APOB: variants seen among roughly 807,000 people sequenced by gnomAD.
APOB encodes apolipoprotein B, also known as apolipoprotein B-100.
Under a neutral mutation model 314.1 loss-of-function variants are expected in APOB, and 153 were observed. That is an observed-to-expected ratio of 0.49 (90% CI 0.43 to 0.56). The LOEUF (loss-of-function observed/expected upper bound fraction) is 0.56, where lower values mean the gene tolerates loss of function less well. Ranked by LOEUF, APOB falls within the 20% of genes least tolerant of loss-of-function variation. The pLI is 0.00. For missense variants in APOB, 5,430 were observed against 5,350.7 expected, an observed-to-expected ratio of 1.01 and a Z score of -0.46; for synonymous variants, 2,087 against 2,036.4, an observed-to-expected ratio of 1.02 and a Z score of -0.67.
chr2:21,005,307 G>T lies in APOB; in HGVS notation c.11561C>A (p.Thr3854Asn). The T allele has an allele frequency of 1.9e-6, 3 of 1,614,060 alleles. No individual in the cohort carries two copies. Among genetic ancestry groups the T allele is most frequent in the Non-Finnish European group, 2.5e-6 (3 of 1,179,954 alleles). Residue 3854 changes from threonine (T) to asparagine (N), a missense_variant, in exon 26 of 29, where the codon ACC becomes AAC. Around this residue, in one of 3 missense-constraint regions of APOB, gnomAD observed 3,281 missense variants for 3,171.0 expected, o/e 1.03. Transcript: ENST00000233242. ...AATGGTCTGCTCAGGCACGATGATG[G>T]TGGGCAACTCAAAGTCTGCGATCTT... The part of the protein sequence containing the change: ...ANKIADFELP[T>N]IIVPEQTIEI...
At chr2:21,015,638 A>T in intron 21 of APOB, 93 bp from the exon 22 acceptor site, 1 of 1,350,560 alleles carries the variant, frequency 7.4e-7, no homozygotes. Flanking sequence ...GGTGATCAAA[A>T]CCAGATACAA....
Position 21,012,201 on chromosome 2 carries a change from T to C in APOB, c.4667A>G (p.Lys1556Arg). Reference sequence around the variant, plus strand: ...CTCATACTTTAGGGAAGCAGTATTTTTAATGATGCCACTTTGCAGATCAGA... The same window carrying C: ...CTCATACTTTAGGGAAGCAGTATTTCTAATGATGCCACTTTGCAGATCAGA... Reference protein sequence around the residue: ...STSDLQSGIIKNTASLKYENY... With the variant: ...STSDLQSGIIRNTASLKYENY... The change falls in exon 26 of 29, where the codon AAA (lysine) becomes AGA (arginine). Residue 1556 changes from lysine (K) to arginine (R), a missense_variant. This residue lies in a region of APOB where 2,085 missense variants were observed against 2,079.7 expected (regional missense o/e 1.00). Transcript: ENST00000233242. The C allele has an allele frequency of 2.5e-6, 4 of 1,603,254 alleles. No individual in the cohort carries two copies. Among genetic ancestry groups the C allele is most frequent in the Non-Finnish European group, 3.4e-6 (4 of 1,173,686 alleles).
Position 21,026,917 on chromosome 2 carries a change from A to G in APOB, c.2115T>C (p.Phe705=), listed in dbSNP as rs747520197. The change falls in exon 15 of 29, where the codon TTT becomes TTC. Residue 705 remains phenylalanine, a synonymous_variant. Coordinates refer to ENST00000233242, the MANE Select transcript of APOB (RefSeq NM_000384.3). ...TGTCTGGGAAAAATCCTTGCTTCCC[A>G]AAAAGAGCTTCCAATGTTGGCTCAA... ...KGFEPTLEAL[F]GKQGFFPDSV... 5 of 1,614,196 alleles carry G rather than the reference A, an allele frequency of 3.1e-6. No individual in the cohort carries two copies. Among genetic ancestry groups the G allele is most frequent in the Non-Finnish European group, 4.2e-6 (5 of 1,180,022 alleles).
At chr2:21,037,028 T>C in intron 6 of APOB, 72 bp downstream of exon 6, 7 of 1,598,648 alleles carry the variant, frequency 4.4e-6, no homozygotes, top group Non-Finnish European at 5.1e-6. Context: ...GCCCACTAGC[T>C]CAAAAGTTCT....
At position 21,001,837 on chromosome 2, in the gene APOB, G is replaced by T; in HGVS notation, c.13585C>A (p.His4529Asn). The T allele has an allele frequency of 6.2e-7, 1 of 1,614,024 alleles. No homozygotes were observed. Among genetic ancestry groups the T allele is most frequent in the Non-Finnish European group, 8.5e-7 (1 of 1,179,946 alleles). ...TCCGTGATGTATATCAGAAATGTGT[G>T]GTAGTTTTGAATGGACAGGTCAATC... is the stretch of plus-strand genomic sequence containing the variant. ...RLIDLSIQNY[H>N]TFLIYITELL... The change falls in exon 29 of 29, where the codon CAC becomes AAC. Residue 4529 changes from histidine (H) to asparagine (N), a missense_variant. Physicochemically the swap from His to Asn is moderately conservative, Grantham distance 68. Around this residue, in one of 3 missense-constraint regions of APOB, gnomAD observed 3,281 missense variants for 3,171.0 expected, o/e 1.03. Transcript: ENST00000233242.
Position 21,002,736 on chromosome 2 carries a change from G to A in APOB, c.12686C>T (p.Ser4229Phe), listed in dbSNP as rs1663023532. The change falls in exon 29 of 29, where the codon TCC becomes TTC. Residue 4229 changes from serine to phenylalanine, a missense_variant. Ser to Phe is a radical substitution (Grantham distance 155). Coordinates refer to ENST00000233242, the MANE Select transcript of APOB (RefSeq NM_000384.3). The stretch of plus-strand genomic sequence containing the variant: ...ATTATGGACTTTCGAATATACCTGG[G>A]ACAGTACCGTCCCTACCTCCCTTAT... The part of the protein sequence containing the change: ...MFIREVGTVL[S>F]QVYSKVHNGS... 1 of 1,612,370 alleles carries A rather than the reference G, an allele frequency of 6.2e-7. No individual in the cohort carries two copies. The highest frequency in any genetic ancestry group is 1.3e-5 in the African/African-American group (1 of 74,842).
In APOB at chr2:21,013,167, A is replaced by G; in HGVS notation, c.4209T>C (p.Asn1403=). ...ADSVVDLLSY[N]VQGSGETTYD... ...TACCTGAGCATAGCTCACCTTGCAC[A>G]TTGTAGGAAAGCAGGTCAACCACAG... The change falls in exon 25 of 29, where the codon AAT becomes AAC. Residue 1403 remains asparagine (N), a synonymous_variant. Coordinates refer to ENST00000233242, the MANE Select transcript of APOB (RefSeq NM_000384.3). 2 of 1,613,870 alleles carry G rather than the reference A, an allele frequency of 1.2e-6. No homozygotes were observed. The highest frequency in any genetic ancestry group is 1.7e-6 in the Non-Finnish European group (2 of 1,179,958).
chr2:21,004,777 C>G (rs1663084093), intron 26 of APOB, 102 bp from the exon 27 acceptor site: 2 of 941,974 alleles, frequency 2.1e-6, no homozygotes, highest in African/African-American at 1.6e-5. Context: ...AGATATTTCA[C>G]TTGTGTTTAA....
chr2:21,036,984 T>A, intron 6 of APOB, 116 bp downstream of exon 6: 1 of 1,350,928 alleles, frequency 7.4e-7, no homozygotes. Context: ...CTAGTCTGTA[T>A]AAAAAACAGC....
intron 16 of APOB, 33 bp from the exon 17 acceptor site, chr2:21,023,725 T>C (rs1279623711): frequency 1.9e-6 from 3 of 1,557,818 alleles, no homozygotes; most frequent in Non-Finnish European, 2.6e-6. Flanking sequence ...CAAATAAAAG[T>C]AAGTCTTTTT....
chr2:21,007,363 A>C lies in APOB; in HGVS notation c.9505T>G (p.Phe3169Val). The C allele has an allele frequency of 6.2e-7, 1 of 1,614,062 alleles. No individual in the cohort carries two copies. Among genetic ancestry groups the C allele is most frequent in the East Asian group, 2.2e-5 (1 of 44,876 alleles). The change falls in exon 26 of 29, where the codon TTT (phenylalanine) becomes GTT (valine). Residue 3169 changes from phenylalanine to valine, a missense_variant. Phe to Val is a conservative substitution (Grantham distance 50). Coordinates refer to ENST00000233242, the MANE Select transcript of APOB (RefSeq NM_000384.3). ...KEFLKTTKQS[F>V]DLSVKAQYKK... is the part of the protein sequence containing the mutation. The stretch of plus-strand genomic sequence containing the variant: ...TACTGAGCTTTTACACTTAAATCAA[A>C]TGATTGCTTTGTCGTTTTCAAGAAT...
Position 21,008,664 on chromosome 2 carries a change from T to A in APOB, c.8204A>T (p.Asp2735Val), listed in dbSNP as rs1663219420. The A allele has an allele frequency of 6.2e-7, 1 of 1,613,954 alleles. No homozygotes were observed. The highest frequency in any genetic ancestry group is 1.3e-5 in the African/African-American group (1 of 74,888). Residue 2735 changes from aspartate to valine, a missense_variant, in exon 26 of 29, where the codon GAC becomes GTC. Coordinates refer to ENST00000233242, the MANE Select transcript of APOB (RefSeq NM_000384.3). ...AAGCTGGAATTCTGGTATGTGAAGG[T>A]CAGGAACTTGAAAATCATTAAGGTT... ...TLNLNDFQVP[D>V]LHIPEFQLPH...
In APOB at chr2:21,010,645, C is replaced by T. The variant is rs377429190; in HGVS notation, c.6223G>A (p.Glu2075Lys). Reference protein sequence around the residue: ...DVHSINLPFFETLQEYFERNR... With the variant: ...DVHSINLPFFKTLQEYFERNR... ...CTCTCAAAATATTCTTGCAAGGTCT[C>T]AAAAAATGGGAGGTTAATGGAGTGA... The change falls in exon 26 of 29, where the codon GAG (glutamate) becomes AAG (lysine). Residue 2075 changes from glutamate to lysine, a missense_variant. Coordinates refer to ENST00000233242, the MANE Select transcript of APOB (RefSeq NM_000384.3). 206 of 1,613,728 alleles carry T rather than the reference C, an allele frequency of 1.3e-4. No individual in the cohort carries two copies. Among genetic ancestry groups the T allele is most frequent in the Non-Finnish European group, 1.7e-4 (196 of 1,179,934 alleles).
Position 21,013,167 on chromosome 2 carries a change from A to T in APOB, c.4209T>A (p.Asn1403Lys), listed in dbSNP as rs1663374692. The change falls in exon 25 of 29, where the codon AAT (asparagine) becomes AAA (lysine). Residue 1403 changes from asparagine (N) to lysine (K), a missense_variant. Asn to Lys is a moderately conservative substitution (Grantham distance 94, BLOSUM62 0). This residue lies in a region of APOB where 2,085 missense variants were observed against 2,079.7 expected (regional missense o/e 1.00). Coordinates refer to ENST00000233242, the MANE Select transcript of APOB (RefSeq NM_000384.3). ...ADSVVDLLSY[N>K]VQGSGETTYD... The stretch of plus-strand genomic sequence containing the variant: ...TACCTGAGCATAGCTCACCTTGCAC[A>T]TTGTAGGAAAGCAGGTCAACCACAG... 1.2e-6 allele frequency: 2 copies of T among 1,613,752 alleles called. No homozygotes were observed. Among genetic ancestry groups the T allele is most frequent in the Non-Finnish European group, 1.7e-6 (2 of 1,179,966 alleles).
rs13306197 is a variant in APOB at position 21,037,427 on chromosome 2, A to G, written c.538-172T>C. Among the ~76,000 whole-genome samples the G allele has an allele frequency of 1.5e-3, 229 of 152,288 alleles. 5 individuals are homozygous for G. In the East Asian group the frequency reaches 0.021, roughly 14 times the overall value. On this transcript the variant is annotated intron_variant, in intron 5 of 28. Transcript: ENST00000233242. ...GGTCTTGCTAGTGCCTGGCCAGCCC[A>G]AGTTGGGAGAGAGAAAACCAGTTAA...
At chr2:21,034,526 T>C (rs557708938) in intron 8 of APOB, among the ~76,000 whole-genome samples, 2 of 152,326 alleles carry the variant, frequency 1.3e-5, no homozygotes, top group South Asian at 4.1e-4. Context: ...CAGCTCTGGA[T>C]CTTATCACAG....
chr2:21,032,357 T>A lies in APOB; in HGVS notation c.1349A>T (p.Asn450Ile), dbSNP rs1177893034. ...ATLYALSHAV[N>I]NYHKTNPTGT... ...GAAATACAGTGTGGAAACTCACTTGTTGACCGCGTGGCTCAGCGCATACAA... is the reference window on the plus strand; with the variant it reads ...GAAATACAGTGTGGAAACTCACTTGATGACCGCGTGGCTCAGCGCATACAA... The change falls in exon 10 of 29, where the codon AAC becomes ATC. Residue 450 changes from asparagine to isoleucine, a missense_variant. Asn to Ile is a moderately radical substitution (Grantham distance 149). Transcript: ENST00000233242. 9 of 1,612,728 alleles carry A rather than the reference T, an allele frequency of 5.6e-6. No individual in the cohort carries two copies. The highest frequency in any genetic ancestry group is 6.8e-6 in the Non-Finnish European group (8 of 1,179,926).
chr2:21,032,682 A>C, intron 9 of APOB, 101 bp from the exon 10 acceptor site: 2 of 862,752 alleles, frequency 2.3e-6, no homozygotes, highest in Non-Finnish European at 3.5e-6. Context: ...TAATCACCTC[A>C]TTCACTATTC....
In APOB at chr2:21,014,562, C is replaced by T. The variant is rs1166406656; in HGVS notation, c.3728G>A (p.Gly1243Glu). Residue 1243 changes from glycine to glutamate, a missense_variant, in exon 24 of 29, where the codon GGG becomes GAG. Around this residue, in one of 3 missense-constraint regions of APOB, gnomAD observed 2,085 missense variants for 2,079.7 expected, o/e 1.00. Coordinates refer to ENST00000233242, the MANE Select transcript of APOB (RefSeq NM_000384.3). ...CAAAGTCTGGGTATAAGGAAGACTC[C>T]CAGATGCCTTCTGAAGCCATGAGCT... ...AMSSWLQKASGSLPYTQTLQD... is the reference protein window; with the variant it reads ...AMSSWLQKASESLPYTQTLQD... 1.2e-6 allele frequency: 2 copies of T among 1,613,970 alleles called. No individual in the cohort carries two copies. Among genetic ancestry groups the T allele is most frequent in the Non-Finnish European group, 1.7e-6 (2 of 1,179,972 alleles).
Sources: gnomAD v4.1 joint callset for allele counts (sites outside exome capture counted in the v4.1 genomes callset) on GRCh38, gnomAD v4.1.1 for gene constraint, gnomAD v4.1.1 regional missense constraint, MANE v1.5 for transcripts, NCBI Gene and HGNC (gene_info 2026-07-23, HGNC 2026-07-21) for gene names.